The following EML1 variants were observed in gnomAD, a reference collection of about 807,000 sequenced individuals.
EML1 encodes EMAP like 1.
EML1 carries 27 observed loss-of-function variants against 110.4 expected under a neutral mutation model. The observed-to-expected ratio is 0.24, with a 90% CI of 0.18 to 0.34. The LOEUF (loss-of-function observed/expected upper bound fraction) is 0.34, where lower values mean the gene tolerates loss of function less well. Among genes scored for constraint, EML1 ranks in the 10% least tolerant of loss-of-function variants. The pLI, the probability that EML1 is intolerant of heterozygous loss-of-function variation, is 1.00. For missense variants in EML1, 741 were observed against 1,030.9 expected (o/e 0.72, Z 3.85); for synonymous variants, 344 against 385.8 (o/e 0.89, Z 1.27).
intron 1 of EML1, among the ~76,000 whole-genome samples, chr14:99,832,171 T>C (rs1042021927): frequency 1.3e-5 from 2 of 152,200 alleles, no homozygotes; most frequent in Non-Finnish European, 2.9e-5. Flanking sequence ...CCCAGCACAA[T>C]TTTGATATTC....
Position 99,891,243 on chromosome 14 carries a change from T to C in EML1, c.547+16T>C. ...TTCAGTGCAGGTAAGTCTGATTTAA[T>C]TTATGTATGGGAACCCCTCACTCAC... On this transcript the variant is annotated intron_variant, in intron 5 of 21. Transcript: ENST00000262233. 6.2e-7 allele frequency: 1 copy of C among 1,614,010 alleles called. No homozygotes were observed. The highest frequency in any genetic ancestry group is 8.5e-7 in the Non-Finnish European group (1 of 1,179,964).
At chr14:99,754,647 T>C (rs1023040696) in intron 1 of EML1, among the ~76,000 whole-genome samples, 8 of 152,212 alleles carry the variant, frequency 5.3e-5, no homozygotes, top group Non-Finnish European at 7.3e-5. Flanking sequence ...GAGTTTTGTT[T>C]TGAGGACAAA....
chr14:99,811,445 G>A (rs1346263524), intron 1 of EML1, among the ~76,000 whole-genome samples: 2 of 151,446 alleles, frequency 1.3e-5, no homozygotes, highest in Non-Finnish European at 3.0e-5. Context: ...CACATATTTT[G>A]TATGTTATAT....
Position 99,914,674 on chromosome 14 carries a change from C to T in EML1, c.1729C>T (p.Pro577Ser), listed in dbSNP as rs150691576. The change falls in exon 15 of 22, where the codon CCC becomes TCC. Residue 577 changes from proline to serine, a missense_variant. By Grantham distance (74) the Pro-to-Ser change is moderately conservative (BLOSUM62 -1). Around this residue, in one of 4 missense-constraint regions of EML1, gnomAD observed 388 missense variants for 605.6 expected, o/e 0.64. Coordinates refer to ENST00000262233, the MANE Select transcript of EML1 (RefSeq NM_004434.3). ...ATLWDAVGHR[P>S]VWDKIIEDPA... ...TCTCTGGGACGCTGTGGGTCACCGT[C>T]CCGTCTGGGACAAAATAATAGAGGT... 21 of 1,609,040 alleles carry T rather than the reference C, an allele frequency of 1.3e-5. No individual in the cohort carries two copies. The highest frequency in any genetic ancestry group is 1.8e-5 in the Non-Finnish European group (21 of 1,179,074).
At position 99,939,884 on chromosome 14, in the gene EML1, C is replaced by A; in HGVS notation, c.2323-103C>A. The A allele has an allele frequency of 7.3e-7, 1 of 1,371,276 alleles. No individual in the cohort carries two copies. The highest frequency in any genetic ancestry group is 9.6e-7 in the Non-Finnish European group (1 of 1,037,866). The allele number at this position is 1,371,276 out of a possible 1,614,324, so 84.9% of individuals were successfully genotyped here. ...CAAGTGAGAGCTGCCGAGCGGAGGGCGAGTAAAGGAATTAAGGCATGCAGT... is the reference window on the plus strand; with the variant it reads ...CAAGTGAGAGCTGCCGAGCGGAGGGAGAGTAAAGGAATTAAGGCATGCAGT... On this transcript the variant is annotated intron_variant, in intron 21 of 21. Transcript: ENST00000262233. This position sits in a 1 kb window ranked among gnomAD's most constrained non-coding sequence, Gnocchi z 4.2.
intron 1 of EML1, among the ~76,000 whole-genome samples, chr14:99,780,591 A>T (rs1176982322): frequency 1.3e-5 from 2 of 152,174 alleles, no homozygotes. Flanking sequence ...GCCAACAAGG[A>T]TGTTTATGTT....
chr14:99,790,061 T>C (rs1042592304), upstream of EML1, among the ~76,000 whole-genome samples: 3 of 152,178 alleles, frequency 2.0e-5, no homozygotes, highest in Non-Finnish European at 4.4e-5. Context: ...TAGAGTAAGA[T>C]TTTACCACTG....
In EML1 at chr14:99,784,553, C is replaced by A. The variant is rs1376200050; in HGVS notation, c.-27+10540C>A. On this transcript the variant is annotated intron_variant, in intron 1 of 22. Coordinates refer to the EML1 transcript ENST00000327921. The surrounding 1 kb of genome is among the most constrained non-coding windows in gnomAD (Gnocchi z 4.5). ...TTCTTAGATAATAGAGTTGTCATATCCATTTGGACTATCAACAGATTATCT... is the reference window on the plus strand; with the variant it reads ...TTCTTAGATAATAGAGTTGTCATATACATTTGGACTATCAACAGATTATCT... Among the ~76,000 whole-genome samples, 1 of 152,172 alleles carries A rather than the reference C, an allele frequency of 6.6e-6. No individual in the cohort carries two copies. Among genetic ancestry groups the A allele is most frequent in the Non-Finnish European group, 1.5e-5 (1 of 68,040 alleles).
chr14:99,781,349 G>T lies in EML1; in HGVS notation c.-27+7336G>T, dbSNP rs11626807. Among the ~76,000 whole-genome samples, 3,503 of 152,062 alleles carry T rather than the reference G, an allele frequency of 0.023. 58 individuals are homozygous for T. The highest frequency in any genetic ancestry group is 0.035 in the Non-Finnish European group (2,383 of 67,984). On this transcript the variant is annotated intron_variant, in intron 1 of 22. Transcript: ENST00000327921. The surrounding 1 kb of genome is among the most constrained non-coding windows in gnomAD (Gnocchi z 4.2). The stretch of plus-strand genomic sequence containing the variant: ...GCTCATGGGGTGTGCCTCCCATGCT[G>T]TATGGCATCCTCACTGCCAAGGCCA...
chr14:99,774,738 A>G (rs1027110056), intron 1 of EML1, among the ~76,000 whole-genome samples: 1 of 152,166 alleles, frequency 6.6e-6, no homozygotes, highest in East Asian at 1.9e-4. Context: ...TTCTAGGGGT[A>G]AGGGGCCATC....
rs2059828987 is a variant in EML1, at chr14:99,905,425, G to C, written c.1009-2213G>C. Among the ~76,000 whole-genome samples the C allele has an allele frequency of 6.6e-6, 1 of 152,178 alleles. No homozygotes were observed. Among genetic ancestry groups the C allele is most frequent in the African/African-American group, 2.4e-5 (1 of 41,438 alleles). On this transcript the variant is annotated intron_variant, in intron 9 of 21. Coordinates refer to ENST00000262233, the MANE Select transcript of EML1 (RefSeq NM_004434.3). The surrounding 1 kb of genome is among the most constrained non-coding windows in gnomAD (Gnocchi z 4.1). ...AAACATAAGAAAGGGAAAAAGGAGAGAGAGAAAAGCATTCCCTGTGGCAGG... is the reference window on the plus strand; with the variant it reads ...AAACATAAGAAAGGGAAAAAGGAGACAGAGAAAAGCATTCCCTGTGGCAGG...
At chr14:99,836,650 A>G (rs1332671104) in intron 1 of EML1, among the ~76,000 whole-genome samples, 1 of 151,786 alleles carries the variant, frequency 6.6e-6, no homozygotes, top group Admixed American at 6.6e-5. Context: ...TGATTCTTTT[A>G]TTTATTTTGG....
intron 8 of EML1, among the ~76,000 whole-genome samples, chr14:99,898,963 T>G (rs572598201): frequency 6.6e-6 from 1 of 152,152 alleles, no homozygotes; most frequent in Non-Finnish European, 1.5e-5. Flanking sequence ...TTTGCCAAAT[T>G]TCAGCCACCC....
intron 2 of EML1, among the ~76,000 whole-genome samples, chr14:99,855,854 A>G (rs922199273): frequency 4.6e-5 from 7 of 152,232 alleles, no homozygotes; most frequent in African/African-American, 1.7e-4. Context: ...TTAATAAGCA[A>G]GTCAGTCCTG....
intron 2 of EML1, among the ~76,000 whole-genome samples, chr14:99,854,064 C>CA (rs1566899874): frequency 6.6e-6 from 1 of 152,188 alleles, no homozygotes; most frequent in African/African-American, 2.4e-5. Flanking sequence ...TTTGGGTGTA[C>CA]AGCTTTTGCT....
chr14:99,913,400 C>T (rs2059978756), intron 13 of EML1, among the ~76,000 whole-genome samples: 2 of 151,930 alleles, frequency 1.3e-5, no homozygotes, highest in Non-Finnish European at 1.5e-5. Context: ...TGGTCTAGAA[C>T]TCCTGGGCTC....
Position 99,781,261 on chromosome 14 carries a change from G to A in EML1, c.-27+7248G>A, listed in dbSNP as rs542185423. On this transcript the variant is annotated intron_variant, in intron 1 of 22. Coordinates refer to the EML1 transcript ENST00000327921. The surrounding 1 kb of genome is among the most constrained non-coding windows in gnomAD (Gnocchi z 4.2). ...CACCGCCCCCTCAGGTGGGTTTCCC[G>A]GTGCCTTTCTCCTCCCCCACCACCT... 1.2e-4 allele frequency among the ~76,000 whole-genome samples: 19 copies of A among 152,080 alleles called. No individual in the cohort carries two copies. Among genetic ancestry groups the A allele is most frequent in the South Asian group, 6.2e-4 (3 of 4,814 alleles).
intron 17 of EML1, among the ~76,000 whole-genome samples, chr14:99,933,212 G>GTCGCCCAGGCTA (rs2060405174): frequency 1.3e-5 from 2 of 152,180 alleles, no homozygotes; most frequent in African/African-American, 2.4e-5. Context: ...GTGTCGCTCT[G>GTCGCCCAGGCTA]TCGCCCAGGC....
chr14:99,740,210 TA>T (rs2057026434), intron 1 of EML1, among the ~76,000 whole-genome samples: 1 of 152,140 alleles, frequency 6.6e-6, no homozygotes. Context: ...ACCGTGTAAC[TA>T]AGAACACTGA....
Sources: allele counts gnomAD v4.1 joint callset (sites outside exome capture counted in the v4.1 genomes callset), GRCh38; gene constraint gnomAD v4.1.1; regional missense constraint gnomAD v4.1.1; non-coding constraint Gnocchi (gnomAD v3.1); transcripts MANE v1.5; gene names NCBI Gene and HGNC (gene_info 2026-07-23, HGNC 2026-07-21).